Variants in CEP152 observed in about 807,000 individuals in gnomAD.
CEP152 encodes centrosomal protein 152, also known as centrosomal protein of 152 kDa.
Under a neutral mutation model 188.9 loss-of-function variants are expected in CEP152, and 132 were observed. The observed-to-expected ratio is 0.70, with a 90% CI of 0.61 to 0.81. CEP152 has a LOEUF of 0.81. CEP152 is among the 30% of genes least tolerant of loss of function. CEP152 has a pLI of 0.00. For synonymous variants in CEP152, 649 were observed against 666.6 expected (o/e 0.97, Z 0.41); for missense variants, 1,914 against 1,969.8 (o/e 0.97, Z 0.54).
intron 20 of CEP152, among the ~76,000 whole-genome samples, chr15:48,755,484 C>T (rs1483992018): frequency 6.6e-6 from 1 of 151,996 alleles, no homozygotes; most frequent in Non-Finnish European, 1.5e-5. Flanking sequence ...AAATCTCAGG[C>T]CCTTAGAAAG....
chr15:48,768,022 C>T (rs1339151577), intron 15 of CEP152, among the ~76,000 whole-genome samples, 197 bp downstream of exon 15: 1 of 152,176 alleles, frequency 6.6e-6, no homozygotes, highest in Non-Finnish European at 1.5e-5. Context: ...ACCCAACCCA[C>T]TACATAACAC....
chr15:48,805,771 A>C, intron 1 of CEP152, 115 bp from the exon 2 acceptor site: 3 of 1,383,834 alleles, frequency 2.2e-6, no homozygotes, highest in South Asian at 1.2e-5. Flanking sequence ...AGACTGGGAG[A>C]AAATATGTAT....
rs375235566 is a variant in CEP152 at position 48,738,807 on chromosome 15, G to A, written c.4575C>T (p.Arg1525=). The A allele has an allele frequency of 5.1e-5, 83 of 1,613,992 alleles. No homozygotes were observed. The highest frequency in any genetic ancestry group is 3.0e-4 in the South Asian group (27 of 91,080). The change falls in exon 27 of 27, where the codon CGC becomes CGT. Residue 1525 remains arginine (R), a synonymous_variant. Transcript: ENST00000380950. The part of the protein sequence containing the change: ...SESGCMHITF[R]DSNERLGLKV... ...TTAAACCAAGTCTTTCATTAGAATC[G>A]CGAAAGGTTATATGCATGCATCCTG... is the stretch of plus-strand genomic sequence containing the variant.
intron 9 of CEP152, among the ~76,000 whole-genome samples, chr15:48,786,494 C>G (rs1007785795): frequency 1.3e-5 from 2 of 152,108 alleles, no homozygotes; most frequent in Non-Finnish European, 2.9e-5. Context: ...ATAAATTTCT[C>G]AAAATATACT....
intron 12 of CEP152, among the ~76,000 whole-genome samples, chr15:48,775,189 AC>A (rs1895811700): frequency 1.3e-5 from 2 of 152,132 alleles, no homozygotes; most frequent in South Asian, 4.1e-4. Flanking sequence ...GTAACTGGAG[AC>A]CCAAAAGGAG....
intron 22 of CEP152, among the ~76,000 whole-genome samples, chr15:48,747,504 T>C (rs1289415391): frequency 1.3e-5 from 2 of 152,134 alleles, no homozygotes; most frequent in Non-Finnish European, 2.9e-5. Flanking sequence ...GAGCCAATGC[T>C]ACAGGGCCGC....
At chr15:48,730,149 C>T (rs1892373818) in intron 2 of CEP152, among the ~76,000 whole-genome samples, 3 of 152,192 alleles carry the variant, frequency 2.0e-5, no homozygotes, top group Admixed American at 6.5e-5. Flanking sequence ...CCAGGGGCTG[C>T]TCCCATTCCG....
intron 5 of CEP152, 126 bp downstream of exon 5, chr15:48,797,175 T>G: frequency 2.8e-6 from 3 of 1,058,530 alleles, no homozygotes; most frequent in Non-Finnish European, 4.3e-6. Context: ...ATAAGTGCCC[T>G]CTCAGAACTT....
downstream of CEP152, among the ~76,000 whole-genome samples, chr15:48,734,172 C>A (rs1410509714): frequency 6.6e-6 from 1 of 150,536 alleles, no homozygotes; most frequent in East Asian, 1.9e-4. Context: ...TTGTATAAAG[C>A]AATAATTATA....
chr15:48,783,409 A>G (rs1896402681), intron 10 of CEP152: 1 of 152,170 alleles, frequency 6.6e-6, no homozygotes, highest in Non-Finnish European at 1.5e-5. Flanking sequence ...AAAATATGAA[A>G]GAAGTTATAC....
chr15:48,802,046 C>T (rs1054473903), intron 2 of CEP152, among the ~76,000 whole-genome samples: 1 of 150,660 alleles, frequency 6.6e-6, no homozygotes, highest in African/African-American at 2.5e-5. Flanking sequence ...GCCAAGATCC[C>T]GTGATTGCAC....
Position 48,756,078 on chromosome 15 carries a change from G to T in CEP152, c.3170C>A (p.Thr1057Asn). The T allele has an allele frequency of 6.2e-7, 1 of 1,614,054 alleles. No individual in the cohort carries two copies. The highest frequency in any genetic ancestry group is 2.2e-5 in the East Asian group (1 of 44,874). Residue 1057 changes from threonine to asparagine, a missense_variant, in exon 20 of 27, where the codon ACC becomes AAC. Thr to Asn is a moderately conservative substitution (Grantham distance 65). Coordinates refer to ENST00000380950, the MANE Select transcript of CEP152 (RefSeq NM_001194998.2). ...LTVLGVLLSD[T>N]QKEHISDSED... Reference sequence around the variant, plus strand: ...AGAATCACTGATGTGCTCCTTTTGGGTATCACTTAAAAGAACCCCAAGTAC... The same window carrying T: ...AGAATCACTGATGTGCTCCTTTTGGTTATCACTTAAAAGAACCCCAAGTAC...
intron 12 of CEP152, 128 bp downstream of exon 12, chr15:48,781,068 G>A: frequency 1.2e-6 from 1 of 800,508 alleles, no homozygotes; most frequent in Non-Finnish European, 2.1e-6. Flanking sequence ...TAAATGCAAG[G>A]TATCTGCATT....
chr15:48,732,508 G>A (rs1179800606), intron 2 of CEP152, among the ~76,000 whole-genome samples: 1 of 152,016 alleles, frequency 6.6e-6, no homozygotes, highest in Admixed American at 6.5e-5. Flanking sequence ...GGGAACACAT[G>A]GACACAGAGA....
chr15:48,800,512 C>T (rs1016864034), intron 2 of CEP152, among the ~76,000 whole-genome samples: 3 of 152,056 alleles, frequency 2.0e-5, no homozygotes, highest in Non-Finnish European at 4.4e-5. Flanking sequence ...ACAAAATTGC[C>T]GTATCTAGAT....
downstream of CEP152, among the ~76,000 whole-genome samples, chr15:48,735,026 C>T (rs1314524202): frequency 2.0e-5 from 3 of 152,182 alleles, no homozygotes; most frequent in African/African-American, 7.2e-5. Flanking sequence ...CTTGAACTGA[C>T]ATTTTTGAAT....
chr15:48,745,115 C>T (rs529168181), intron 22 of CEP152, 123 bp from the exon 23 acceptor site: 74 of 630,772 alleles, frequency 1.2e-4, no homozygotes, highest in African/African-American at 8.5e-4. Flanking sequence ...TTTTCTGTAA[C>T]GTTCATCCCC....
Position 48,744,160 on chromosome 15 carries a change from C to A in CEP152, c.3835+80G>T, listed in dbSNP as rs1288778610. 8.3e-6 allele frequency: 13 copies of A among 1,568,596 alleles called. No homozygotes were observed. In the African/African-American group the frequency reaches 1.8e-4, roughly 21 times the overall value. On this transcript the variant is annotated intron_variant, in intron 24 of 26. Coordinates refer to ENST00000380950, the MANE Select transcript of CEP152 (RefSeq NM_001194998.2). ...GGAAAATTCCCTAGAAGAACTACTG[C>A]TGGTAAACTCTGAGTTTACTTTAAC...
chr15:48,739,959 A>C (rs1293330132), intron 26 of CEP152, among the ~76,000 whole-genome samples: 2 of 152,172 alleles, frequency 1.3e-5, no homozygotes, highest in African/African-American at 4.8e-5. Context: ...TCCAAAATTT[A>C]TACAAATAAT....
Sources: allele counts gnomAD v4.1 joint callset (sites outside exome capture counted in the v4.1 genomes callset), GRCh38; gene constraint gnomAD v4.1.1; transcripts MANE v1.5; gene names NCBI Gene and HGNC (gene_info 2026-07-23, HGNC 2026-07-21).